HDAC9: variants seen among roughly 807,000 people sequenced by gnomAD.
HDAC9 encodes the protein histone deacetylase 9.
HDAC9 carries 41 observed loss-of-function variants against 139.4 expected under a neutral mutation model. The observed-to-expected ratio is 0.29, with a 90% confidence interval of 0.23 to 0.38. HDAC9 has a LOEUF of 0.38. Among genes scored for constraint, HDAC9 ranks in the 10% least tolerant of loss-of-function variants. The pLI is 1.00. For missense variants in HDAC9, 1,147 were observed against 1,297.0 expected (o/e 0.88, Z 1.78); for synonymous variants, 517 against 476.2 (o/e 1.09, Z -1.12).
chr7:18,422,031 C>T (rs751711646), intron 1 of HDAC9, among the ~76,000 whole-genome samples: 17 of 152,170 alleles, frequency 1.1e-4, no homozygotes, highest in Non-Finnish European at 2.4e-4. Flanking sequence ...TGTTTTCTTG[C>T]TGTGCCTAAA....
At chr7:18,280,000 A>C (rs1386421325) in intron 2 of HDAC9, among the ~76,000 whole-genome samples, 1 of 152,230 alleles carries the variant, frequency 6.6e-6, no homozygotes, top group Non-Finnish European at 1.5e-5. Context: ...AAAAAGATTG[A>C]AAAGTTAAAA....
chr7:18,795,474 G>A (rs1301925827), intron 17 of HDAC9, among the ~76,000 whole-genome samples: 2 of 152,196 alleles, frequency 1.3e-5, no homozygotes, highest in East Asian at 3.9e-4. Context: ...ATGAAAAGTG[G>A]ATATGAATCT....
intron 1 of HDAC9, among the ~76,000 whole-genome samples, chr7:18,119,031 A>T (rs1667570483): frequency 6.6e-6 from 1 of 152,274 alleles, no homozygotes; most frequent in South Asian, 2.1e-4. Context: ...CTAGAGTTAG[A>T]CTAATTTCCT....
intron 1 of HDAC9, among the ~76,000 whole-genome samples, chr7:18,120,355 A>G (rs1784288343): frequency 1.3e-5 from 2 of 152,210 alleles, no homozygotes; most frequent in African/African-American, 4.8e-5. Flanking sequence ...TGCTGATCAT[A>G]GAGGATGTTA....
chr7:18,411,850 G>A (rs1788589821), intron 1 of HDAC9, among the ~76,000 whole-genome samples: 2 of 112,832 alleles, frequency 1.8e-5, no homozygotes, highest in South Asian at 2.9e-4. Flanking sequence ...TTATCAGACA[G>A]GGTCTCACTC....
chr7:18,321,512 A>G (rs778606804), intron 1 of HDAC9, among the ~76,000 whole-genome samples: 22 of 152,318 alleles, frequency 1.4e-4, no homozygotes, highest in Non-Finnish European at 3.1e-4. Flanking sequence ...ATCATTTTAT[A>G]TGCTTTTTAA....
intron 19 of HDAC9, among the ~76,000 whole-genome samples, chr7:18,831,732 C>T (rs1795869375): frequency 6.6e-6 from 1 of 151,970 alleles, no homozygotes; most frequent in East Asian, 1.9e-4. Context: ...ATCCGTTCTC[C>T]CTGGCTGACA....
Position 18,690,397 on chromosome 7 carries a change from C to T in HDAC9, c.1731+23921C>T, listed in dbSNP as rs538463753. 1.8e-4 allele frequency among the ~76,000 whole-genome samples: 28 copies of T among 152,044 alleles called. No homozygotes were observed. The East Asian group carries it at 5.4e-3, about 29-fold the overall frequency. The stretch of plus-strand genomic sequence containing the variant: ...TTTGGCAGAGGCTGGTATTTTTAAA[C>T]TTTGACTCTCCTTTGCAGAGATTGA... On this transcript the variant is annotated intron_variant, in intron 12 of 25. Transcript: ENST00000686413.
intron 1 of HDAC9, among the ~76,000 whole-genome samples, chr7:18,294,683 G>A (rs1327673188): frequency 6.6e-6 from 1 of 152,138 alleles, no homozygotes; most frequent in East Asian, 1.9e-4. Flanking sequence ...AGTGCAATCA[G>A]AAGTGATTGA....
chr7:18,488,804 G>C (rs1240114433), intron 1 of HDAC9, among the ~76,000 whole-genome samples: 2 of 151,926 alleles, frequency 1.3e-5, no homozygotes, highest in African/African-American at 2.4e-5. Flanking sequence ...AATTGTACTA[G>C]ATAATGATGG....
intron 13 of HDAC9, among the ~76,000 whole-genome samples, chr7:18,737,751 G>T (rs1358979004): frequency 6.6e-6 from 1 of 152,198 alleles, no homozygotes; most frequent in Admixed American, 6.5e-5. Flanking sequence ...TTGGGGTGGA[G>T]AGTTCTGTAG....
intron 21 of HDAC9, among the ~76,000 whole-genome samples, chr7:18,864,087 C>A (rs965805593): frequency 3.9e-5 from 6 of 152,148 alleles, no homozygotes; most frequent in Non-Finnish European, 8.8e-5. Flanking sequence ...ACATTCTCAC[C>A]AACAGTGTAC....
chr7:18,963,115 GA>G (rs1316133134), intron 24 of HDAC9, among the ~76,000 whole-genome samples: 2 of 152,128 alleles, frequency 1.3e-5, no homozygotes, highest in African/African-American at 4.8e-5. Context: ...ACAATCTATT[GA>G]AATACATTAG....
intron 24 of HDAC9, among the ~76,000 whole-genome samples, chr7:18,954,897 C>T (rs1783043414): frequency 6.6e-6 from 1 of 152,042 alleles, no homozygotes; most frequent in Non-Finnish European, 1.5e-5. Context: ...CTTAAGAAGC[C>T]ACTTGCCAGC....
chr7:18,835,363 G>A, intron 19 of HDAC9, 104 bp from the exon 20 acceptor site: 1 of 1,241,146 alleles, frequency 8.1e-7, no homozygotes, highest in African/African-American at 1.5e-5. Context: ...GACAGAAAAT[G>A]AGAAAGAAAG....
chr7:18,350,175 T>C (rs952574046), intron 1 of HDAC9, among the ~76,000 whole-genome samples: 2 of 152,182 alleles, frequency 1.3e-5, no homozygotes, highest in Non-Finnish European at 2.9e-5. Flanking sequence ...GTCATTAGTC[T>C]TTAATAAATT....
intron 11 of HDAC9, among the ~76,000 whole-genome samples, chr7:18,664,152 A>G (rs896233871): frequency 9.2e-5 from 14 of 152,160 alleles, no homozygotes; most frequent in African/African-American, 2.9e-4. Context: ...GTATTAAAGA[A>G]AAGAAGAGCT....
intron 6 of HDAC9, among the ~76,000 whole-genome samples, chr7:18,623,784 A>G (rs1422813545): frequency 3.3e-5 from 5 of 152,212 alleles, no homozygotes; most frequent in African/African-American, 1.2e-4. Flanking sequence ...TCCACTAAAA[A>G]TACAAAAATT....
intron 1 of HDAC9, among the ~76,000 whole-genome samples, chr7:18,411,851 G>T (rs1788590049): frequency 7.7e-6 from 1 of 129,336 alleles, no homozygotes; most frequent in South Asian, 2.5e-4. Context: ...TATCAGACAG[G>T]GTCTCACTCT....
Sources: gnomAD v4.1 joint callset for allele counts (sites outside exome capture counted in the v4.1 genomes callset) on GRCh38, gnomAD v4.1.1 for gene constraint, MANE v1.5 for transcripts, NCBI Gene and HGNC (gene_info 2026-07-23, HGNC 2026-07-21) for gene names.